The following LRRC4C variants were observed in gnomAD, a reference collection of about 807,000 sequenced individuals.
LRRC4C encodes leucine-rich repeat-containing protein 4C.
LRRC4C carries 5 observed loss-of-function variants against 33.6 expected under a neutral mutation model. The observed-to-expected ratio is 0.15, with a 90% CI of 0.08 to 0.31. The LOEUF is 0.31. LRRC4C is among the 10% of genes least tolerant of loss of function. The pLI is 1.00. For synonymous variants in LRRC4C, 329 were observed against 302.0 expected (o/e 1.09, Z -0.93); for missense variants, 560 against 796.7 (o/e 0.70, Z 3.58).
chr11:40,169,396 T>G (rs192651779), intron 5 of LRRC4C, among the ~76,000 whole-genome samples: 3 of 152,286 alleles, frequency 2.0e-5, no homozygotes, highest in Non-Finnish European at 4.4e-5. Flanking sequence ...TCAATTCTTA[T>G]AGCATGTGAA....
chr11:40,394,822 AGAG>A (rs1228933906), intron 3 of LRRC4C, among the ~76,000 whole-genome samples: 1 of 152,206 alleles, frequency 6.6e-6, no homozygotes, highest in Non-Finnish European at 1.5e-5. Flanking sequence ...AACCTAAATC[AGAG>A]GAGTAGGTAC....
intron 2 of LRRC4C, among the ~76,000 whole-genome samples, chr11:40,724,617 G>A (rs1288638920): frequency 2.0e-5 from 3 of 152,132 alleles, no homozygotes; most frequent in African/African-American, 7.2e-5. Context: ...ACCACATTAA[G>A]AGGAAAGTTT....
chr11:40,123,217 T>C (rs1855964031), intron 6 of LRRC4C, among the ~76,000 whole-genome samples: 1 of 152,086 alleles, frequency 6.6e-6, no homozygotes, highest in African/African-American at 2.4e-5. Context: ...TAATACTATT[T>C]ATAGTATAAA....
chr11:41,409,618 C>T (rs1954383516), intron 1 of LRRC4C, among the ~76,000 whole-genome samples: 1 of 152,166 alleles, frequency 6.6e-6, no homozygotes, highest in Admixed American at 6.5e-5. Context: ...TCAGGGTCTA[C>T]ATTTTAACCA....
intron 2 of LRRC4C, among the ~76,000 whole-genome samples, chr11:40,905,936 T>C (rs1956395002): frequency 6.6e-6 from 1 of 152,198 alleles, no homozygotes; most frequent in Admixed American, 6.5e-5. Context: ...TGGGTAAAAT[T>C]CTATCAAACA....
Position 40,598,789 on chromosome 11 carries a change from A to G in LRRC4C, c.-270+49353T>C, listed in dbSNP as rs1022582722. ...TTCCTCTGCATCCATTTTGCTCCGGACTTGTGGAACAGAGGGTGCTGGGGG... is the reference window on the plus strand; with the variant it reads ...TTCCTCTGCATCCATTTTGCTCCGGGCTTGTGGAACAGAGGGTGCTGGGGG... On this transcript the variant is annotated intron_variant, in intron 3 of 6. Coordinates refer to ENST00000528697, the MANE Select transcript of LRRC4C (RefSeq NM_001258419.2). Among the ~76,000 whole-genome samples the G allele has an allele frequency of 1.3e-5, 2 of 152,162 alleles. 1 individual carries two copies. The highest frequency in any genetic ancestry group is 2.9e-5 in the Non-Finnish European group (2 of 68,026).
intron 1 of LRRC4C, among the ~76,000 whole-genome samples, chr11:40,968,493 T>C (rs1851505229): frequency 6.6e-6 from 1 of 152,094 alleles, no homozygotes; most frequent in Non-Finnish European, 1.5e-5. Flanking sequence ...GTTTAGGAGT[T>C]TCATAGCTAA....
intron 1 of LRRC4C, among the ~76,000 whole-genome samples, chr11:41,154,921 A>G (rs568041282): frequency 1.4e-4 from 22 of 152,266 alleles, no homozygotes; most frequent in African/African-American, 5.3e-4. Flanking sequence ...TGGTTGCGCT[A>G]CTGAGTACTT....
chr11:40,828,421 G>C (rs551997212), intron 2 of LRRC4C, among the ~76,000 whole-genome samples: 1 of 151,728 alleles, frequency 6.6e-6, no homozygotes, highest in Non-Finnish European at 1.5e-5. Flanking sequence ...TCAGTCTTCA[G>C]ACTAATGGAA....
intron 2 of LRRC4C, among the ~76,000 whole-genome samples, chr11:40,695,348 T>C (rs1012552836): frequency 2.0e-5 from 3 of 152,204 alleles, no homozygotes; most frequent in African/African-American, 7.2e-5. Flanking sequence ...GTGTATTATC[T>C]TTCTTTGCCA....
intron 3 of LRRC4C, among the ~76,000 whole-genome samples, chr11:40,488,031 T>C (rs1953953902): frequency 6.6e-6 from 1 of 152,060 alleles, no homozygotes; most frequent in Non-Finnish European, 1.5e-5. Flanking sequence ...CTGTCTATAG[T>C]CACATAGCAA....
intron 3 of LRRC4C, among the ~76,000 whole-genome samples, chr11:40,553,128 C>A (rs972008773): frequency 8.6e-5 from 13 of 151,900 alleles, no homozygotes; most frequent in Non-Finnish European, 1.9e-4. Flanking sequence ...AAAAATTAGC[C>A]CGGCGTAGTG....
chr11:40,401,508 G>A (rs75866249), intron 3 of LRRC4C, among the ~76,000 whole-genome samples: 2,556 of 152,194 alleles, frequency 0.017, 69 homozygotes, highest in African/African-American at 0.058. Context: ...CCAACATTCT[G>A]TATTAGAAGT....
intron 4 of LRRC4C, among the ~76,000 whole-genome samples, chr11:40,278,624 C>T (rs182002705): frequency 6.6e-6 from 1 of 152,260 alleles, no homozygotes; most frequent in East Asian, 1.9e-4. Flanking sequence ...TCACTACAGC[C>T]AGACGATTTG....
chr11:40,951,838 A>G (rs551782291), intron 1 of LRRC4C, among the ~76,000 whole-genome samples: 1 of 152,060 alleles, frequency 6.6e-6, no homozygotes, highest in South Asian at 2.1e-4. Context: ...TGAGTAGCAC[A>G]TAGTTTCTGG....
intron 3 of LRRC4C, among the ~76,000 whole-genome samples, chr11:40,523,375 GTTT>G (rs768653117): frequency 1.7e-4 from 26 of 151,172 alleles, no homozygotes; most frequent in Non-Finnish European, 3.2e-4. Flanking sequence ...TTAAAATCAG[GTTT>G]TTGTGTTTTT....
At chr11:40,577,009 G>T (rs1213418616) in intron 3 of LRRC4C, among the ~76,000 whole-genome samples, 2 of 152,144 alleles carry the variant, frequency 1.3e-5, no homozygotes, top group African/African-American at 2.4e-5. Context: ...TTCAATGTCA[G>T]ATTAGACTCT....
At chr11:40,483,599 G>GA (rs1409781157) in intron 3 of LRRC4C, among the ~76,000 whole-genome samples, 2 of 151,778 alleles carry the variant, frequency 1.3e-5, no homozygotes, top group African/African-American at 4.8e-5. Flanking sequence ...CTGATTGCAG[G>GA]AAAAAAATGG....
intron 3 of LRRC4C, among the ~76,000 whole-genome samples, chr11:40,623,749 T>C (rs2135967122): frequency 6.6e-6 from 1 of 152,182 alleles, no homozygotes; most frequent in East Asian, 1.9e-4. Flanking sequence ...TGAGAGTACC[T>C]CACTTCTTCC....
Sources: allele counts gnomAD v4.1 joint callset (sites outside exome capture counted in the v4.1 genomes callset), GRCh38; gene constraint gnomAD v4.1.1; transcripts MANE v1.5; gene names NCBI Gene and HGNC (gene_info 2026-07-23, HGNC 2026-07-21).